Variants in LARP1 observed in about 807,000 individuals in gnomAD.
The protein encoded by LARP1 is la-related protein 1.
A neutral mutation model predicts 122.7 loss-of-function variants in LARP1; 36 were observed. That is an observed-to-expected ratio of 0.29 (90% CI 0.22 to 0.39). LARP1 has a LOEUF of 0.39. LARP1 is among the 10% of genes least tolerant of loss of function. The pLI is 1.00. For synonymous variants in LARP1, 539 were observed against 528.7 expected (o/e 1.02, Z -0.27); for missense variants, 1,040 against 1,403.6 (o/e 0.74, Z 4.14).
At chr5:154,717,920 T>G (rs1755611616) in intron 1 of LARP1, among the ~76,000 whole-genome samples, 1 of 152,132 alleles carries the variant, frequency 6.6e-6, no homozygotes, top group South Asian at 2.1e-4. Context: ...CCTTTCATTT[T>G]CTTTTTTCTT....
At chr5:154,744,967 AC>A (rs1325817463) in intron 1 of LARP1, among the ~76,000 whole-genome samples, 7 of 147,364 alleles carry the variant, frequency 4.8e-5, no homozygotes, top group African/African-American at 1.8e-4. Context: ...TCGCTCTGTC[AC>A]CAGACTGGAG....
intron 1 of LARP1, among the ~76,000 whole-genome samples, chr5:154,725,182 G>A (rs1043825466): frequency 3.3e-5 from 5 of 151,908 alleles, no homozygotes; most frequent in Admixed American, 2.6e-4. Flanking sequence ...ATGAGGTCAG[G>A]AGTTCAAGAC....
chr5:154,703,813 G>C (rs1754828666), intron 1 of LARP1, among the ~76,000 whole-genome samples: 1 of 152,028 alleles, frequency 6.6e-6, no homozygotes, highest in Non-Finnish European at 1.5e-5. Context: ...TAGAAATGGG[G>C]TTTCACTATG....
intron 15 of LARP1, among the ~76,000 whole-genome samples, chr5:154,807,519 G>T (rs943545912): frequency 6.6e-6 from 1 of 152,010 alleles, no homozygotes; most frequent in Non-Finnish European, 1.5e-5. Flanking sequence ...TCCAACACTT[G>T]TTATTGTTTG....
Position 154,803,310 on chromosome 5 carries a change from A to G in LARP1, c.2130A>G (p.Lys710=). ...SQIKQEVENF[K]KVNMISREQF... Reference sequence around the variant, plus strand: ...TGCAGCAAGAAGTCGAGAACTTCAAAAAGGTCAATATGATCAGCCGGGAGC... The same window carrying G: ...TGCAGCAAGAAGTCGAGAACTTCAAGAAGGTCAATATGATCAGCCGGGAGC... Residue 710 remains lysine, a synonymous_variant, in exon 12 of 19, where the codon AAA becomes AAG. Transcript: ENST00000518297. This position sits in a 1 kb window ranked among gnomAD's most constrained non-coding sequence, Gnocchi z 4.4. 1 of 1,614,146 alleles carries G rather than the reference A, an allele frequency of 6.2e-7. No homozygotes were observed. Among genetic ancestry groups the G allele is most frequent in the Non-Finnish European group, 8.5e-7 (1 of 1,180,032 alleles).
At chr5:154,709,406 T>C (rs1323362416), upstream of LARP1, among the ~76,000 whole-genome samples, 1 of 152,182 alleles carries the variant, frequency 6.6e-6, no homozygotes, top group East Asian at 1.9e-4. Flanking sequence ...CATGGCTTCA[T>C]TGGATAGCCA....
intron 1 of LARP1, among the ~76,000 whole-genome samples, chr5:154,702,189 C>A (rs1164206726): frequency 6.6e-6 from 1 of 152,170 alleles, no homozygotes; most frequent in African/African-American, 2.4e-5. Flanking sequence ...TCCCTCTCAC[C>A]TGCATTCTGG....
chr5:154,805,267 A>G, intron 14 of LARP1: 1 of 258,346 alleles, frequency 3.9e-6, no homozygotes, highest in Non-Finnish European at 7.6e-6. Flanking sequence ...CAGTAAGTGG[A>G]AGTAGAATCA....
At chr5:154,696,553 T>C (rs1041881104) in intron 1 of LARP1, among the ~76,000 whole-genome samples, 2 of 152,232 alleles carry the variant, frequency 1.3e-5, no homozygotes, top group Non-Finnish European at 1.5e-5. Context: ...CATTGTCTCA[T>C]GTAATCCTTA....
At chr5:154,685,900 T>C in intron 1 of LARP1, 1 of 489,734 alleles carries the variant, frequency 2.0e-6, no homozygotes. Context: ...GTGGGAGCCC[T>C]ACTGCTAATG....
Position 154,814,270 on chromosome 5 carries a change from G to A in LARP1, c.*174G>A, listed in dbSNP as rs1759519480. On this transcript the variant is annotated 3_prime_UTR_variant, in exon 19 of 19. Coordinates refer to ENST00000518297, the MANE Select transcript of LARP1 (RefSeq NM_033551.3). Reference sequence around the variant, plus strand: ...CATTTGGGCTATCAGAGGTACCCCTGGGCAGGAGCCTCTACATCCCCTTCC... The same window carrying A: ...CATTTGGGCTATCAGAGGTACCCCTAGGCAGGAGCCTCTACATCCCCTTCC... The A allele has an allele frequency of 3.3e-6, 2 of 612,028 alleles. No individual in the cohort carries two copies. The highest frequency in any genetic ancestry group is 3.7e-5 in the African/African-American group (2 of 53,940). The allele number at this position is 612,028 out of a possible 1,614,324, so 37.9% of individuals were successfully genotyped here.
chr5:154,743,071 G>A (rs1752991245), intron 1 of LARP1, among the ~76,000 whole-genome samples: 2 of 152,158 alleles, frequency 1.3e-5, no homozygotes, highest in South Asian at 4.1e-4. Context: ...ATGACCTACA[G>A]CCAAACACTC....
chr5:154,687,554 T>C (rs979542920), intron 1 of LARP1, among the ~76,000 whole-genome samples: 6 of 152,222 alleles, frequency 3.9e-5, no homozygotes, highest in Non-Finnish European at 8.8e-5. Context: ...GCTAATTTTT[T>C]GTATTTTTAG....
rs757777766 is a variant in LARP1 at position 154,794,116 on chromosome 5, G to T, written c.1086G>T (p.Gln362His). Residue 362 changes from glutamine to histidine, a missense_variant, in exon 7 of 19, where the codon CAG becomes CAT. By Grantham distance (24) the Gln-to-His change is conservative (BLOSUM62 0). Around this residue, in one of 8 missense-constraint regions of LARP1, gnomAD observed 178 missense variants for 178.3 expected, o/e 1.00. Coordinates refer to ENST00000518297, the MANE Select transcript of LARP1 (RefSeq NM_033551.3). ...RGGTRTHFDY[Q>H]FGYRKFDGVE... Reference sequence around the variant, plus strand: ...CCCCCATAGCCCATTTTGACTACCAGTTTGGCTACCGAAAGTTTGATGGTG... The same window carrying T: ...CCCCCATAGCCCATTTTGACTACCATTTTGGCTACCGAAAGTTTGATGGTG... 3.1e-6 allele frequency: 5 copies of T among 1,614,056 alleles called. No homozygotes were observed. Among genetic ancestry groups the T allele is most frequent in the Non-Finnish European group, 3.4e-6 (4 of 1,180,026 alleles).
At chr5:154,706,890 T>C (rs1380269959) in intron 1 of LARP1, among the ~76,000 whole-genome samples, 1 of 152,164 alleles carries the variant, frequency 6.6e-6, no homozygotes, top group Non-Finnish European at 1.5e-5. Flanking sequence ...TCCCAGTAAA[T>C]ACTTGCCTCT....
At chr5:154,745,406 C>T (rs1246984880) in intron 1 of LARP1, among the ~76,000 whole-genome samples, 1 of 152,196 alleles carries the variant, frequency 6.6e-6, no homozygotes, top group East Asian at 1.9e-4. Context: ...GTGACCACTA[C>T]CCCCTTTATG....
chr5:154,685,259 AG>A (rs1276839511), intron 1 of LARP1, among the ~76,000 whole-genome samples: 1 of 151,182 alleles, frequency 6.6e-6, no homozygotes, highest in Non-Finnish European at 1.5e-5. Context: ...AAAAAAAAAA[AG>A]AATTGCACTC....
intron 1 of LARP1, among the ~76,000 whole-genome samples, chr5:154,725,263 G>A (rs138429355): frequency 0.011 from 1,710 of 151,746 alleles, 28 homozygotes; most frequent in African/African-American, 0.039. Context: ...GGTGGCGGGC[G>A]CCTGTAATCC....
chr5:154,735,719 C>A (rs1252261170), intron 1 of LARP1, among the ~76,000 whole-genome samples: 1 of 146,462 alleles, frequency 6.8e-6, no homozygotes, highest in Non-Finnish European at 1.5e-5. Context: ...CAGGCACGTG[C>A]CACCATGCCC....
Sources: gnomAD v4.1 joint callset for allele counts (sites outside exome capture counted in the v4.1 genomes callset) on GRCh38, gnomAD v4.1.1 for gene constraint, gnomAD v4.1.1 regional missense constraint, Gnocchi (gnomAD v3.1) non-coding constraint, MANE v1.5 for transcripts, NCBI Gene and HGNC (gene_info 2026-07-23, HGNC 2026-07-21) for gene names.